Variants in SLC22A7 observed in about 807,000 individuals in gnomAD.
SLC22A7 encodes hOAT2.
In SLC22A7, 48 loss-of-function variants were observed where a neutral mutation model predicts 62.2. The ratio of observed to expected loss-of-function variants is 0.77; its 90% CI spans 0.61 to 0.98. The LOEUF is 0.98. Ranked by LOEUF, SLC22A7 falls within the 50% of genes least tolerant of loss-of-function variation. The pLI is 0.00. For missense variants in SLC22A7, 581 were observed against 703.8 expected (o/e 0.83, Z 1.97); for synonymous variants, 276 against 314.8 (o/e 0.88, Z 1.30).
rs1488746339 is a variant in SLC22A7, at chr6:43,302,418, A to G, written c.1276+4A>G. On this transcript the variant is annotated splice_donor_region_variant and intron_variant, in intron 8 of 10. Transcript: ENST00000372585. This position sits in a 1 kb window ranked among gnomAD's most constrained non-coding sequence, Gnocchi z 5.0. ...ACTAGACTGCTAGTGTCCTCCGGTG[A>G]GCCCAGTCCCATAGGTTCTGCCCAC... 1 of 1,563,004 alleles carries G rather than the reference A, an allele frequency of 6.4e-7. No individual in the cohort carries two copies. Among genetic ancestry groups the G allele is most frequent in the Non-Finnish European group, 8.7e-7 (1 of 1,155,066 alleles).
Position 43,299,048 on chromosome 6 carries a change from G to A in SLC22A7, c.394-44G>A. The A allele has an allele frequency of 3.3e-6, 5 of 1,533,394 alleles. No homozygotes were observed. Among genetic ancestry groups the A allele is most frequent in the Non-Finnish European group, 4.4e-6 (5 of 1,133,940 alleles). The allele number at this position is 1,533,394 out of a possible 1,614,324, so 95.0% of individuals were successfully genotyped here. On this transcript the variant is annotated intron_variant, in intron 1 of 10. Transcript: ENST00000372585. The surrounding 1 kb of genome is among the most constrained non-coding windows in gnomAD (Gnocchi z 4.4). ...GAAGGCAATTTCTGCAGCAAGAGGT[G>A]GAGAAACAATAGAGGCCTTCTTTTC...
At position 43,300,027 on chromosome 6, in the gene SLC22A7, C is replaced by T. The variant is rs1346693216; in HGVS notation, c.788C>T (p.Ala263Val). 1 of 1,614,118 alleles carries T rather than the reference C, an allele frequency of 6.2e-7. No individual in the cohort carries two copies. Among genetic ancestry groups the T allele is most frequent in the African/African-American group, 1.3e-5 (1 of 75,034 alleles). The change falls in exon 5 of 11, where the codon GCT becomes GTT. Residue 263 changes from alanine to valine, a missense_variant. By Grantham distance (64) the Ala-to-Val change is moderately conservative. Coordinates refer to ENST00000372585, the MANE Select transcript of SLC22A7 (RefSeq NM_153320.2). ...CGGGACTGGCGATGGCTTCTGCTAG[C>T]TGTCACCCTGCCTTGTGCCCCAGGC... is the stretch of plus-strand genomic sequence containing the variant. The part of the protein sequence containing the change: ...LIRDWRWLLL[A>V]VTLPCAPGIL...
chr6:43,297,956 A>G (rs1427549403), upstream of SLC22A7: 1 of 166,660 alleles, frequency 6.0e-6, no homozygotes, highest in African/African-American at 2.4e-5. Flanking sequence ...ACCCTGGGAG[A>G]GCTGGCCCCA....
chr6:43,298,311 T>G lies in SLC22A7; in HGVS notation c.-48T>G. The G allele has an allele frequency of 6.5e-7, 1 of 1,531,704 alleles. No homozygotes were observed. The highest frequency in any genetic ancestry group is 1.4e-5 in the African/African-American group (1 of 73,726). 94.9% of individuals were successfully genotyped at this position (1,531,704 alleles called of 1,614,324 possible). Reference sequence around the variant, plus strand: ...TATGTGGTGGGCAGTTTGAGCTGGCTGGATACTAGAGGGAGGCTGCACCTG... The same window carrying G: ...TATGTGGTGGGCAGTTTGAGCTGGCGGGATACTAGAGGGAGGCTGCACCTG... On this transcript the variant is annotated 5_prime_UTR_variant, in exon 1 of 11. Coordinates refer to ENST00000372585, the MANE Select transcript of SLC22A7 (RefSeq NM_153320.2).
intron 9 of SLC22A7, 118 bp from the exon 10 acceptor site, chr6:43,303,920 A>T: frequency 1.2e-6 from 1 of 810,602 alleles, no homozygotes; most frequent in Non-Finnish European, 1.8e-6. Flanking sequence ...TAGTTTTCTT[A>T]GCTATATGGG....
intron 10 of SLC22A7, 93 bp downstream of exon 10, chr6:43,304,337 A>G: frequency 1.8e-6 from 2 of 1,111,676 alleles, no homozygotes; most frequent in South Asian, 3.4e-5. Context: ...CAGACAGGAA[A>G]CTATATCTGC....
In SLC22A7 at chr6:43,299,780, G is replaced by A; in HGVS notation, c.657G>A (p.Leu219=). The A allele has an allele frequency of 3.1e-6, 5 of 1,614,242 alleles. No homozygotes were observed. Among genetic ancestry groups the A allele is most frequent in the Non-Finnish European group, 4.2e-6 (5 of 1,180,040 alleles). ...LAGFTIIVMP[L]ELEWLDVEHR... Reference sequence around the variant, plus strand: ...GTTTTACCATCATCGTGATGCCACTGGGTGAGGCAGGCAAGAAACAGGCAG... The same window carrying A: ...GTTTTACCATCATCGTGATGCCACTAGGTGAGGCAGGCAAGAAACAGGCAG... Residue 219 remains leucine, a splice_region_variant and synonymous_variant, in exon 4 of 11, where the codon CTG becomes CTA. Coordinates refer to ENST00000372585, the MANE Select transcript of SLC22A7 (RefSeq NM_153320.2). This position sits in a 1 kb window ranked among gnomAD's most constrained non-coding sequence, Gnocchi z 4.4.
At position 43,304,819 on chromosome 6, in the gene SLC22A7, C is replaced by T; in HGVS notation, c.*94C>T. 3 of 1,031,700 alleles carry T rather than the reference C, an allele frequency of 2.9e-6. No homozygotes were observed. Among genetic ancestry groups the T allele is most frequent in the Non-Finnish European group, 4.2e-6 (3 of 722,240 alleles). 63.9% of individuals were successfully genotyped at this position (1,031,700 alleles called of 1,614,324 possible). A position where few individuals can be genotyped will look rare whatever the true frequency, so the allele number is the denominator to read the frequency against. On this transcript the variant is annotated 3_prime_UTR_variant, in exon 11 of 11. Coordinates refer to ENST00000372585, the MANE Select transcript of SLC22A7 (RefSeq NM_153320.2). ...TGCAACTCAGGCTGGGAGTATCGAA[C>T]CCTCTGCCTAGGGCCGGAGTTGCTG...
rs552878482 is a variant in SLC22A7, at chr6:43,301,633, C to T, written c.1002C>T (p.Tyr334=). 106 of 1,614,152 alleles carry T rather than the reference C, an allele frequency of 6.6e-5. No homozygotes were observed. In the Admixed American group the frequency reaches 7.0e-4, roughly 11 times the overall value. ...AACGGGTGGTCCGAAGACCTTCATA[C>T]CTAGACCTGTTCCGCACACCACGGC... is the stretch of plus-strand genomic sequence containing the variant. The part of the protein sequence containing the change: ...AGERVVRRPS[Y]LDLFRTPRLR... Residue 334 remains tyrosine, a synonymous_variant, in exon 7 of 11, where the codon TAC becomes TAT. Coordinates refer to ENST00000372585, the MANE Select transcript of SLC22A7 (RefSeq NM_153320.2).
rs759272463 is a variant in SLC22A7 at position 43,302,377 on chromosome 6, G to A, written c.1239G>A (p.Thr413=). Residue 413 remains threonine, a synonymous_variant, in exon 8 of 11, where the codon ACG becomes ACA. Transcript: ENST00000372585. The surrounding 1 kb of genome is among the most constrained non-coding windows in gnomAD (Gnocchi z 5.0). ...CGCAAGCCGGGACACTGCTGGGCACGGCCCTGGCGTTCGGCACTAGACTGC... is the reference window on the plus strand; with the variant it reads ...CGCAAGCCGGGACACTGCTGGGCACAGCCCTGGCGTTCGGCACTAGACTGC... ...RLTQAGTLLG[T]ALAFGTRLLV... 24 of 1,610,014 alleles carry A rather than the reference G, an allele frequency of 1.5e-5. No individual in the cohort carries two copies. Among genetic ancestry groups the A allele is most frequent in the South Asian group, 5.5e-5 (5 of 90,702 alleles).
intron 6 of SLC22A7, 131 bp from the exon 7 acceptor site, chr6:43,301,452 A>C: frequency 9.9e-7 from 1 of 1,013,494 alleles, no homozygotes; most frequent in East Asian, 2.6e-5. Flanking sequence ...CACTCGTCTC[A>C]GCTGCCATGA....
At position 43,301,610 on chromosome 6, in the gene SLC22A7, C is replaced by G; in HGVS notation, c.979C>G (p.Arg327Gly). The G allele has an allele frequency of 1.2e-6, 2 of 1,614,122 alleles. No individual in the cohort carries two copies. The highest frequency in any genetic ancestry group is 1.7e-6 in the Non-Finnish European group (2 of 1,179,984). ...TGTGAGCAAAGTGGCCGCCGGGGAA[C>G]GGGTGGTCCGAAGACCTTCATACCT... ...EAVSKVAAGE[R>G]VVRRPSYLDL... Residue 327 changes from arginine to glycine, a missense_variant, in exon 7 of 11, where the codon CGG becomes GGG. Transcript: ENST00000372585.
At chr6:43,296,505 A>T (rs1260058570), upstream of SLC22A7, among the ~76,000 whole-genome samples, 4 of 152,244 alleles carry the variant, frequency 2.6e-5, no homozygotes, top group African/African-American at 9.6e-5. Context: ...TATTAATAAT[A>T]TCATTACATA....
At chr6:43,298,897 C>T in intron 1 of SLC22A7, 146 bp downstream of exon 1, 1 of 1,256,964 alleles carries the variant, frequency 8.0e-7, no homozygotes, top group Non-Finnish European at 1.1e-6. Context: ...GAATATAAGG[C>T]ACTTTTAGTT....
chr6:43,301,436 G>A (rs772636238), intron 6 of SLC22A7, 147 bp from the exon 7 acceptor site: 16 of 1,074,752 alleles, frequency 1.5e-5, no homozygotes, highest in Middle Eastern at 2.5e-4. Flanking sequence ...TCCATCATTC[G>A]AGACCCACTC....
Position 43,304,259 on chromosome 6 carries a change from C to G in SLC22A7, c.1592+15C>G, listed in dbSNP as rs762582890. On this transcript the variant is annotated intron_variant, in intron 10 of 10. Transcript: ENST00000372585. The stretch of plus-strand genomic sequence containing the variant: ...GAGAGAAAGAGGTGTGTGCACAGGA[C>G]TGTGTCTGTGTACGTGTGATAACAT... The G allele has an allele frequency of 6.6e-7, 1 of 1,506,470 alleles. No individual in the cohort carries two copies. The highest frequency in any genetic ancestry group is 8.9e-7 in the Non-Finnish European group (1 of 1,124,134). 93.3% of individuals were successfully genotyped at this position (1,506,470 alleles called of 1,614,324 possible).
chr6:43,300,915 G>T (rs1778719286), intron 5 of SLC22A7, among the ~76,000 whole-genome samples: 1 of 152,264 alleles, frequency 6.6e-6, no homozygotes, highest in Admixed American at 6.5e-5. Flanking sequence ...TTGGATTACA[G>T]GCATGGGCCA....
At chr6:43,303,966 G>A in intron 9 of SLC22A7, 72 bp from the exon 10 acceptor site, 1 of 1,279,834 alleles carries the variant, frequency 7.8e-7, no homozygotes, top group Non-Finnish European at 1.0e-6. Flanking sequence ...GCCCTGGAGG[G>A]AAGCCCTGTG....
chr6:43,303,042 C>A, intron 9 of SLC22A7: 1 of 879,170 alleles, frequency 1.1e-6, no homozygotes, highest in Non-Finnish European at 1.4e-6. Context: ...CCACACTACA[C>A]CCAGAATACA....
Sources: allele counts gnomAD v4.1 joint callset (sites outside exome capture counted in the v4.1 genomes callset), GRCh38; gene constraint gnomAD v4.1.1; non-coding constraint Gnocchi (gnomAD v3.1); transcripts MANE v1.5; gene names NCBI Gene and HGNC (gene_info 2026-07-23, HGNC 2026-07-21).